The following PLCE1 variants were observed in gnomAD, a reference collection of about 807,000 sequenced individuals.
PLCE1 encodes 1-phosphatidylinositol 4,5-bisphosphate phosphodiesterase epsilon-1.
PLCE1 carries 119 observed loss-of-function variants against 242.8 expected under a neutral mutation model. The ratio of observed to expected loss-of-function variants is 0.49; its 90% CI spans 0.42 to 0.57. The LOEUF (loss-of-function observed/expected upper bound fraction) is 0.57, where lower values mean the gene tolerates loss of function less well. Among genes scored for constraint, PLCE1 ranks in the 20% least tolerant of loss-of-function variants. PLCE1 has a pLI of 0.00. For missense variants in PLCE1, 2,441 were observed against 2,788.8 expected, an observed-to-expected ratio of 0.88 and a Z score of 2.81; for synonymous variants, 945 against 1,017.4, an observed-to-expected ratio of 0.93 and a Z score of 1.35.
chr10:94,328,077 C>T lies in PLCE1; in HGVS notation c.*134C>T. 2.1e-6 allele frequency: 1 copy of T among 471,426 alleles called. No homozygotes were observed. 29.2% of individuals were successfully genotyped at this position (471,426 alleles called of 1,614,324 possible). A position where few individuals can be genotyped will look rare whatever the true frequency, so the allele number is the denominator to read the frequency against. ...TGATTTCTGAACTGAAGCCTTCACA[C>T]ATGTGAGATCCATGCTGAGGAGAAG... is the stretch of plus-strand genomic sequence containing the variant. On this transcript the variant is annotated 3_prime_UTR_variant, in exon 33 of 33. Transcript: ENST00000371380.
chr10:94,151,920 T>C (rs372600177), intron 3 of PLCE1, among the ~76,000 whole-genome samples: 83 of 152,234 alleles, frequency 5.5e-4, no homozygotes, highest in Middle Eastern at 3.4e-3. Context: ...GGCATAGTCA[T>C]TTTTTTCCTA....
intron 7 of PLCE1, among the ~76,000 whole-genome samples, chr10:94,242,549 G>C (rs1320575980): frequency 6.6e-6 from 1 of 152,138 alleles, no homozygotes; most frequent in Non-Finnish European, 1.5e-5. Context: ...GGCCTCAAGA[G>C]ATTCACCTGT....
At chr10:94,201,783 A>G (rs890621879) in intron 4 of PLCE1, among the ~76,000 whole-genome samples, 5 of 152,168 alleles carry the variant, frequency 3.3e-5, no homozygotes, top group Middle Eastern at 3.2e-3. Context: ...CCAGGCTAAC[A>G]TGTTATTGTA....
At chr10:94,283,673 A>G (rs751584122) in intron 20 of PLCE1, 117 bp from the exon 21 acceptor site, 6 of 1,109,380 alleles carry the variant, frequency 5.4e-6, no homozygotes, top group Non-Finnish European at 8.2e-6. Context: ...CTATATAGTT[A>G]GAGCCTCATT....
chr10:94,132,121 T>C lies in PLCE1; in HGVS notation c.1207-53T>C. On this transcript the variant is annotated intron_variant, in intron 2 of 32. Transcript: ENST00000371380. Reference sequence around the variant, plus strand: ...CTTGGCATTTTGTCAACAAGTTAATTTGCTTTCCTAAGAAACTAGATTAAT... The same window carrying C: ...CTTGGCATTTTGTCAACAAGTTAATCTGCTTTCCTAAGAAACTAGATTAAT... 3 of 1,569,886 alleles carry C rather than the reference T, an allele frequency of 1.9e-6. No homozygotes were observed. The South Asian group carries it at 3.3e-5, about 18-fold the overall frequency.
chr10:94,018,809 CCA>C (rs2061326539), intron 1 of PLCE1, among the ~76,000 whole-genome samples: 1 of 152,022 alleles, frequency 6.6e-6, no homozygotes, highest in South Asian at 2.1e-4. Context: ...TGCTAAGCAC[CCA>C]GTAAACTTGT....
chr10:94,285,086 G>A, intron 22 of PLCE1, 121 bp downstream of exon 22: 1 of 680,116 alleles, frequency 1.5e-6, no homozygotes, highest in South Asian at 1.7e-5. Flanking sequence ...TGAAATCATT[G>A]TTATAATACC....
intron 5 of PLCE1, among the ~76,000 whole-genome samples, chr10:94,228,571 G>C (rs976833693): frequency 1.3e-5 from 2 of 152,052 alleles, no homozygotes; most frequent in Non-Finnish European, 2.9e-5. Context: ...TCCTCATGAG[G>C]GTTCTCACTA....
intron 1 of PLCE1, among the ~76,000 whole-genome samples, chr10:94,004,416 A>T (rs1039862562): frequency 6.6e-6 from 1 of 152,172 alleles, no homozygotes; most frequent in Non-Finnish European, 1.5e-5. Context: ...GGGGGGAAAA[A>T]GTGTTCCTAA....
intron 1 of PLCE1, among the ~76,000 whole-genome samples, chr10:94,009,251 G>A (rs1385133787): frequency 2.0e-5 from 3 of 152,054 alleles, no homozygotes; most frequent in Non-Finnish European, 4.4e-5. Context: ...CAGAGAAGGG[G>A]GAGGTCTCAG....
chr10:94,162,698 C>T (rs2047657268), intron 3 of PLCE1, among the ~76,000 whole-genome samples: 2 of 152,140 alleles, frequency 1.3e-5, no homozygotes, highest in South Asian at 4.1e-4. Flanking sequence ...CTTCTGCTAG[C>T]TTTTGAATGT....
chr10:94,034,666 G>C (rs1436369862), intron 2 of PLCE1, among the ~76,000 whole-genome samples: 2 of 152,118 alleles, frequency 1.3e-5, no homozygotes, highest in Non-Finnish European at 2.9e-5. Context: ...TGTTAGGTAT[G>C]GTGATTGTAA....
At chr10:94,317,630 G>A (rs1007701360) in intron 29 of PLCE1, among the ~76,000 whole-genome samples, 11 of 152,080 alleles carry the variant, frequency 7.2e-5, no homozygotes, top group Non-Finnish European at 4.4e-5. Context: ...TTTATATTAC[G>A]TGTGCTAAGA....
intron 19 of PLCE1, among the ~76,000 whole-genome samples, chr10:94,279,015 A>C (rs2052082095): frequency 6.6e-6 from 1 of 152,020 alleles, no homozygotes; most frequent in African/African-American, 2.4e-5. Flanking sequence ...TTCATATCTC[A>C]TTCTCTCCAG....
intron 2 of PLCE1, among the ~76,000 whole-genome samples, chr10:94,062,582 G>GTTTTTTTTTTTTTTTTTTTTTT (rs5787099): frequency 2.8e-5 from 4 of 142,350 alleles, no homozygotes; most frequent in Non-Finnish European, 4.5e-5. Context: ...TCTTGGTTTT[G>GTTTTTTTTTTTTTTTTTTTTTT]TTTTTTTTTT....
At chr10:94,106,963 CA>C (rs1371622892) in intron 2 of PLCE1, 3 of 54,738 alleles carry the variant, frequency 5.5e-5, no homozygotes, top group Non-Finnish European at 1.3e-4. Flanking sequence ...CTCCCCCCCC[CA>C]ACACCCTTTT....
chr10:94,219,263 C>G (rs2049639317), intron 4 of PLCE1, among the ~76,000 whole-genome samples: 2 of 152,132 alleles, frequency 1.3e-5, no homozygotes, highest in Non-Finnish European at 2.9e-5. Context: ...TATGAGTTAA[C>G]AGCAACTCAA....
chr10:94,171,340 G>T lies in PLCE1; in HGVS notation c.1653G>T (p.Leu551Phe). 6.2e-6 allele frequency: 10 copies of T among 1,614,168 alleles called. No homozygotes were observed. The highest frequency in any genetic ancestry group is 8.5e-6 in the Non-Finnish European group (10 of 1,180,022). ...AGCAGACTATTTACCGCAGGGTCTTGCCAGTCGACTACCTTTGCTTCTTAA... is the reference window on the plus strand; with the variant it reads ...AGCAGACTATTTACCGCAGGGTCTTTCCAGTCGACTACCTTTGCTTCTTAA... Reference protein sequence around the residue: ...EQEQTIYRRVLPVDYLCFLTR... With the variant: ...EQEQTIYRRVFPVDYLCFLTR... The change falls in exon 4 of 33, where the codon TTG becomes TTT. Residue 551 changes from leucine to phenylalanine, a missense_variant. Around this residue, in one of 5 missense-constraint regions of PLCE1, gnomAD observed 733 missense variants for 754.2 expected, o/e 0.97. Transcript: ENST00000371380.
At chr10:94,155,157 A>T (rs961999457) in intron 3 of PLCE1, among the ~76,000 whole-genome samples, 2 of 152,098 alleles carry the variant, frequency 1.3e-5, no homozygotes, top group African/African-American at 4.8e-5. Context: ...AAGTGAAAAC[A>T]TACATTCACA....
Sources: gnomAD v4.1 joint callset for allele counts (sites outside exome capture counted in the v4.1 genomes callset) on GRCh38, gnomAD v4.1.1 for gene constraint, gnomAD v4.1.1 regional missense constraint, MANE v1.5 for transcripts, NCBI Gene and HGNC (gene_info 2026-07-23, HGNC 2026-07-21) for gene names.